RP1: variants seen among roughly 807,000 people sequenced by gnomAD.
RP1 encodes oxygen-regulated protein 1.
Under a neutral mutation model 14.8 loss-of-function variants are expected in RP1, and 16 were observed. The observed-to-expected ratio is 1.08, with a 90% confidence interval of 0.73 to 1.65. The LOEUF (loss-of-function observed/expected upper bound fraction) is 1.65. Among genes scored for constraint, RP1 ranks in the 40% most tolerant of loss-of-function variants. The pLI is 0.00. For synonymous variants in RP1, 876 were observed against 883.6 expected (o/e 0.99, Z 0.15); for missense variants, 2,631 against 2,535.0 (o/e 1.04, Z -0.81).
intron 12 of RP1, among the ~76,000 whole-genome samples, chr8:54,681,826 G>C (rs1807440274): frequency 6.6e-6 from 1 of 152,034 alleles, no homozygotes; most frequent in African/African-American, 2.4e-5. Context: ...AGTTTGCTGA[G>C]GATAACAGCT....
At chr8:54,563,037 G>A (rs1804321531) in intron 1 of RP1, among the ~76,000 whole-genome samples, 1 of 152,212 alleles carries the variant, frequency 6.6e-6, no homozygotes, top group Admixed American at 6.5e-5. Flanking sequence ...AGTAATGACT[G>A]TAGACTCTTA....
At chr8:54,792,775 C>A (rs186560915) in intron 24 of RP1, among the ~76,000 whole-genome samples, 2 of 150,564 alleles carry the variant, frequency 1.3e-5, no homozygotes, top group Non-Finnish European at 3.0e-5. Context: ...CTATACACTT[C>A]GAGGAATCAG....
chr8:54,623,628 A>C (rs1805943225), intron 3 of RP1, among the ~76,000 whole-genome samples: 1 of 152,196 alleles, frequency 6.6e-6, no homozygotes, highest in Non-Finnish European at 1.5e-5. Context: ...AAGAAGCAAG[A>C]GTGCCAAGGT....
In RP1 at chr8:54,625,892, C is replaced by G; in HGVS notation, c.2010C>G (p.Ser670Arg). ...NEKKILSSVA[S>R]KKKKKSRQQA... ...AGAAGATTTTGTCATCTGTTGCCAG[C>G]AAAAAGAAGAAAAAATCTCGACAGC... Residue 670 changes from serine (S) to arginine (R), a missense_variant, in exon 4 of 4, where the codon AGC becomes AGG. Transcript: ENST00000220676. The G allele has an allele frequency of 6.2e-7, 1 of 1,613,634 alleles. No individual in the cohort carries two copies. The highest frequency in any genetic ancestry group is 8.5e-7 in the Non-Finnish European group (1 of 1,179,908).
chr8:54,762,339 G>A (rs546049660), intron 22 of RP1, among the ~76,000 whole-genome samples: 1 of 152,248 alleles, frequency 6.6e-6, no homozygotes, highest in East Asian at 1.9e-4. Flanking sequence ...ACAAAGCAGA[G>A]CCGCGTGAGG....
At chr8:54,640,868 T>C (rs1365642557) in intron 3 of RP1, among the ~76,000 whole-genome samples, 5 of 152,160 alleles carry the variant, frequency 3.3e-5, no homozygotes, top group African/African-American at 4.8e-5. Flanking sequence ...GTGGCTAAGA[T>C]TGAACACTCT....
intron 7 of RP1, chr8:54,673,843 G>T (rs920534667): frequency 1.3e-6 from 2 of 1,533,954 alleles, no homozygotes; most frequent in Non-Finnish European, 1.7e-6. Context: ...TTTTTGATTC[G>T]TTATAGACTG....
chr8:54,601,790 A>C (rs1245512783), intron 1 of RP1, among the ~76,000 whole-genome samples: 1 of 152,208 alleles, frequency 6.6e-6, no homozygotes, highest in Non-Finnish European at 1.5e-5. Flanking sequence ...TACATGGATG[A>C]ATCTCAAAAG....
intron 24 of RP1, among the ~76,000 whole-genome samples, chr8:54,828,359 A>C (rs1488667813): frequency 6.6e-6 from 1 of 152,160 alleles, no homozygotes; most frequent in Non-Finnish European, 1.5e-5. Flanking sequence ...ATCTCTCATG[A>C]ATGGCTTTGT....
intron 24 of RP1, among the ~76,000 whole-genome samples, chr8:54,794,563 T>C (rs1810538374): frequency 6.6e-6 from 1 of 151,782 alleles, no homozygotes; most frequent in South Asian, 2.1e-4. Flanking sequence ...ATTGGACCCA[T>C]GTCTTATACC....
chr8:54,773,870 A>G (rs1185786145), downstream of RP1, among the ~76,000 whole-genome samples: 1 of 152,152 alleles, frequency 6.6e-6, no homozygotes, highest in Admixed American at 6.6e-5. Flanking sequence ...ATTTATAGGC[A>G]ATGCTAAATC....
intron 24 of RP1, among the ~76,000 whole-genome samples, chr8:54,803,088 A>G (rs139016321): frequency 1.4e-4 from 22 of 152,144 alleles, no homozygotes; most frequent in East Asian, 5.8e-4. Flanking sequence ...TTTTGTGAGT[A>G]TTTTCTACAT....
chr8:54,692,763 A>T (rs1353863323), intron 12 of RP1, among the ~76,000 whole-genome samples: 1 of 150,252 alleles, frequency 6.7e-6, no homozygotes, highest in Non-Finnish European at 1.5e-5. Context: ...CCCATTCTGT[A>T]GGTTGCCTGT....
intron 23 of RP1, among the ~76,000 whole-genome samples, chr8:54,782,010 C>T (rs1004900226): frequency 3.3e-5 from 5 of 152,066 alleles, no homozygotes; most frequent in African/African-American, 7.2e-5. Flanking sequence ...CCCAGATGGC[C>T]GGGGAAGGAG....
At chr8:54,741,703 G>GTATA (rs1220507662) in intron 19 of RP1, among the ~76,000 whole-genome samples, 51 of 87,698 alleles carry the variant, frequency 5.8e-4, no homozygotes, top group African/African-American at 2.8e-3. Context: ...ATACAAATGT[G>GTATA]TGTGTATATA....
chr8:54,630,789 TA>T lies in RP1; in HGVS notation c.*441del, dbSNP rs1264837558. The T allele has an allele frequency of 4.0e-6, 4 of 1,005,584 alleles. No individual in the cohort carries two copies. Among genetic ancestry groups the T allele is most frequent in the South Asian group, 4.2e-5 (1 of 23,872 alleles). 62.3% of individuals were successfully genotyped at this position (1,005,584 alleles called of 1,614,324 possible). A position where few individuals can be genotyped will look rare whatever the true frequency, so the allele number is the denominator to read the frequency against. ...TTATTCTTTTTAACTACTGATTTGA[TA>T]AAAAGTATGATTATAAGATATCCAC... On this transcript the variant is annotated 3_prime_UTR_variant, in exon 4 of 4. Coordinates refer to ENST00000220676, the MANE Select transcript of RP1 (RefSeq NM_006269.2).
chr8:54,751,828 G>T (rs1809378457), intron 19 of RP1, among the ~76,000 whole-genome samples: 1 of 152,164 alleles, frequency 6.6e-6, no homozygotes, highest in African/African-American at 2.4e-5. Flanking sequence ...TTGTTTTTCT[G>T]TTTCGAGCCA....
chr8:54,683,890 A>T (rs554841047), intron 12 of RP1, among the ~76,000 whole-genome samples: 1 of 152,002 alleles, frequency 6.6e-6, no homozygotes, highest in East Asian at 1.9e-4. Context: ...TTTCCAAGGG[A>T]ATGCTTCCAG....
At chr8:54,701,744 G>A in intron 14 of RP1, 1 of 1,266,822 alleles carries the variant, frequency 7.9e-7, no homozygotes, top group Non-Finnish European at 1.1e-6. Context: ...CTTAAATTGA[G>A]TCATAATGCA....
Sources: allele counts gnomAD v4.1 joint callset (sites outside exome capture counted in the v4.1 genomes callset), GRCh38; gene constraint gnomAD v4.1.1; transcripts MANE v1.5; gene names NCBI Gene and HGNC (gene_info 2026-07-23, HGNC 2026-07-21).